Variants in AMDHD1 observed in about 807,000 individuals in gnomAD.
AMDHD1 encodes the protein amidohydrolase domain containing 1, also known as probable imidazolonepropionase.
A neutral mutation model predicts 44.1 loss-of-function variants in AMDHD1; 45 were observed. The ratio of observed to expected loss-of-function variants is 1.02; its 90% CI spans 0.80 to 1.31. AMDHD1 has a LOEUF of 1.31. AMDHD1 is among the 50% of genes most tolerant of loss of function. The pLI, the probability that AMDHD1 is intolerant of heterozygous loss-of-function variation, is 0.00. For missense variants in AMDHD1, 586 were observed against 552.1 expected (o/e 1.06, Z -0.61); for synonymous variants, 206 against 205.0 (o/e 1.00, Z -0.04).
chr12:95,958,250 C>T (rs2080562763), intron 4 of AMDHD1, among the ~76,000 whole-genome samples: 1 of 151,804 alleles, frequency 6.6e-6, no homozygotes, highest in South Asian at 2.1e-4. Context: ...CAATACATTA[C>T]TATTAGCTAT....
chr12:95,944,381 C>T (rs1177014917), intron 1 of AMDHD1, among the ~76,000 whole-genome samples: 5 of 136,172 alleles, frequency 3.7e-5, no homozygotes, highest in Non-Finnish European at 6.3e-5. Flanking sequence ...ATTTTTGAGA[C>T]GCATGAGCCA....
At chr12:95,953,333 G>A (rs1157817694) in intron 2 of AMDHD1, among the ~76,000 whole-genome samples, 1 of 152,056 alleles carries the variant, frequency 6.6e-6, no homozygotes, top group Non-Finnish European at 1.5e-5. Context: ...GGCAGAAAAA[G>A]AAAAACAAAA....
At chr12:95,957,366 T>G (rs1214919933) in intron 4 of AMDHD1, among the ~76,000 whole-genome samples, 4 of 152,184 alleles carry the variant, frequency 2.6e-5, no homozygotes, top group Non-Finnish European at 4.4e-5. Context: ...GGGGTTCGTT[T>G]TTGTTCATCT....
intron 1 of AMDHD1, among the ~76,000 whole-genome samples, chr12:95,944,382 G>T (rs914103365): frequency 7.2e-6 from 1 of 139,782 alleles, no homozygotes; most frequent in Non-Finnish European, 1.5e-5. Context: ...TTTTTGAGAC[G>T]CATGAGCCAC....
intron 1 of AMDHD1, among the ~76,000 whole-genome samples, chr12:95,944,153 G>C (rs1303386146): frequency 1.3e-5 from 2 of 152,004 alleles, no homozygotes; most frequent in African/African-American, 4.8e-5. Context: ...AAAGAACAAA[G>C]TTTGAGGGCG....
intron 2 of AMDHD1, 98 bp downstream of exon 2, chr12:95,952,921 A>G (rs2080531621): frequency 1.5e-6 from 1 of 683,266 alleles, no homozygotes; most frequent in Non-Finnish European, 2.5e-6. Context: ...AAGTCTCAAA[A>G]TAATATTTAA....
chr12:95,963,278 A>C (rs1461976465), intron 6 of AMDHD1, among the ~76,000 whole-genome samples: 1 of 152,146 alleles, frequency 6.6e-6, no homozygotes, highest in Non-Finnish European at 1.5e-5. Flanking sequence ...CCCTCAGGGG[A>C]CATTTGGCAA....
rs766753928 is a variant in AMDHD1, at chr12:95,952,736, A to T, written c.157A>T (p.Ile53Phe). 6.2e-7 allele frequency: 1 copy of T among 1,610,192 alleles called. No homozygotes were observed. Among genetic ancestry groups the T allele is most frequent in the Non-Finnish European group, 8.5e-7 (1 of 1,177,152 alleles). ...CTTCAGAGATGGATTTATAAAAGCT[A>T]TTGGTCCTGCTGATGTTATTCAAAG... ...VVGKDGFIKA[I>F]GPADVIQRQF... is the part of the protein sequence containing the mutation. Residue 53 changes from isoleucine (I) to phenylalanine (F), a missense_variant, in exon 2 of 9, where the codon ATT (isoleucine) becomes TTT (phenylalanine). Transcript: ENST00000266736.
intron 1 of AMDHD1, among the ~76,000 whole-genome samples, chr12:95,950,431 T>C (rs4762645): frequency 0.64 from 97,461 of 152,118 alleles, 32,129 homozygotes; most frequent in East Asian, 0.95. Flanking sequence ...CTTATCCTAA[T>C]TGCTTTTCAC....
intron 4 of AMDHD1, among the ~76,000 whole-genome samples, chr12:95,957,883 T>C (rs933375099): frequency 2.3e-4 from 35 of 152,098 alleles, no homozygotes; most frequent in Admixed American, 2.0e-4. Flanking sequence ...TGAAACCCCA[T>C]CTCTACTAAA....
chr12:95,944,869 C>G (rs941222353), intron 1 of AMDHD1, among the ~76,000 whole-genome samples: 4 of 152,152 alleles, frequency 2.6e-5, no homozygotes, highest in Non-Finnish European at 4.4e-5. Context: ...CACAGTGACT[C>G]ACGCCTGCAA....
intron 6 of AMDHD1, among the ~76,000 whole-genome samples, chr12:95,964,475 ACAG>A (rs2080598656): frequency 6.6e-6 from 1 of 152,122 alleles, no homozygotes; most frequent in Non-Finnish European, 1.5e-5. Flanking sequence ...TAATACTTTT[ACAG>A]CCTCACTTTT....
intron 4 of AMDHD1, among the ~76,000 whole-genome samples, chr12:95,957,309 A>T (rs2080557059): frequency 6.6e-6 from 1 of 152,190 alleles, no homozygotes; most frequent in Non-Finnish European, 1.5e-5. Flanking sequence ...GTTAATAGTA[A>T]TGCTCTTTAA....
Position 95,949,156 on chromosome 12 carries a change from A to G in AMDHD1, c.138-3561A>G, listed in dbSNP as rs1362786592. Among the ~76,000 whole-genome samples, 80 of 18,814 alleles carry G rather than the reference A, an allele frequency of 4.3e-3. 17 individuals are homozygous for G. The highest frequency in any genetic ancestry group is 0.033 in the African/African-American group (68 of 2,064). The allele number at this position is 18,814 out of a possible 152,430, so 12.3% of individuals were successfully genotyped here. ...AAAATAAATTAAAAAAAAAAAAAAA[A>G]AAAGAAAAAAAAAAAAAAAAAAGAG... On this transcript the variant is annotated intron_variant, in intron 1 of 8. Transcript: ENST00000266736.
At chr12:95,960,746 C>A in intron 5 of AMDHD1, 123 bp downstream of exon 5, 1 of 1,029,620 alleles carries the variant, frequency 9.7e-7, no homozygotes, top group Non-Finnish European at 1.4e-6. Context: ...TTTGTTTGAA[C>A]AATGTACAGA....
At chr12:95,952,679 T>G in intron 1 of AMDHD1, 38 bp from the exon 2 acceptor site, 1 of 1,340,660 alleles carries the variant, frequency 7.5e-7, no homozygotes, top group Non-Finnish European at 1.1e-6. Context: ...TCACAAGATT[T>G]CCCCAAATTT....
intron 5 of AMDHD1, 115 bp downstream of exon 5, chr12:95,960,738 T>A: frequency 9.0e-7 from 1 of 1,107,346 alleles, no homozygotes. Context: ...TGGGGAAATT[T>A]GTTTGAACAA....
intron 7 of AMDHD1, 44 bp from the exon 8 acceptor site, chr12:95,966,304 G>T: frequency 1.2e-6 from 2 of 1,605,428 alleles, no homozygotes; most frequent in Non-Finnish European, 1.7e-6. Flanking sequence ...AATTGCAGTT[G>T]CCATATGTCA....
rs773780026 is a variant in AMDHD1, at chr12:95,962,397, G to A, written c.856G>A (p.Glu286Lys). ...LGAQAISHLE[E>K]VSDEGIVAMA... is the part of the protein sequence containing the mutation. ...AGCGCAGGCAATCAGCCACCTGGAA[G>A]AAGTGAGTGATGAAGGCATCGTTGC... is the stretch of plus-strand genomic sequence containing the variant. Residue 286 changes from glutamate to lysine, a missense_variant, in exon 6 of 9, where the codon GAA (glutamate) becomes AAA (lysine). Physicochemically the swap from Glu to Lys is moderately conservative, Grantham distance 56. Coordinates refer to ENST00000266736, the MANE Select transcript of AMDHD1 (RefSeq NM_152435.3). 6 of 1,613,838 alleles carry A rather than the reference G, an allele frequency of 3.7e-6. No homozygotes were observed. The highest frequency in any genetic ancestry group is 2.2e-5 in the East Asian group (1 of 44,870).
Sources: allele counts gnomAD v4.1 joint callset (sites outside exome capture counted in the v4.1 genomes callset), GRCh38; gene constraint gnomAD v4.1.1; transcripts MANE v1.5; gene names NCBI Gene and HGNC (gene_info 2026-07-23, HGNC 2026-07-21).